The following NOTCH2 variants were observed in gnomAD, a reference collection of about 807,000 sequenced individuals.
The protein encoded by NOTCH2 is notch receptor 2.
NOTCH2 carries 29 observed loss-of-function variants against 235.8 expected under a neutral mutation model. The observed-to-expected ratio is 0.12, with a 90% CI of 0.09 to 0.17. The LOEUF is 0.17. Ranked by LOEUF, NOTCH2 falls within the 10% of genes least tolerant of loss-of-function variation. The pLI is 1.00. For missense variants in NOTCH2, 2,285 were observed against 3,150.2 expected, an observed-to-expected ratio of 0.73 and a Z score of 6.57; for synonymous variants, 1,086 against 1,141.5, an observed-to-expected ratio of 0.95 and a Z score of 0.98.
At position 119,948,548 on chromosome 1, in the gene NOTCH2, T is replaced by C. The variant is rs1553197339; in HGVS notation, c.2618A>G (p.Asp873Gly). The C allele has an allele frequency of 1.9e-6, 3 of 1,614,178 alleles. No individual in the cohort carries two copies. Among genetic ancestry groups the C allele is most frequent in the Non-Finnish European group, 2.5e-6 (3 of 1,180,032 alleles). ...PGWQGQRCTI[D>G]IDECISKPCM... is the part of the protein sequence containing the mutation. ...GGGCTTGGAGATACACTCGTCAATG[T>C]CAATGGTACACCGCTGACCTAGGAA... Residue 873 changes from aspartate to glycine, a missense_variant, in exon 17 of 34, where the codon GAC becomes GGC. Around this residue, in one of 6 missense-constraint regions of NOTCH2, gnomAD observed 1,173 missense variants for 1,515.3 expected, o/e 0.77. Coordinates refer to ENST00000256646, the MANE Select transcript of NOTCH2 (RefSeq NM_024408.4).
At chr1:120,007,737 T>C (rs1481524242) in intron 2 of NOTCH2, among the ~76,000 whole-genome samples, 3 of 152,084 alleles carry the variant, frequency 2.0e-5, no homozygotes, top group Non-Finnish European at 4.4e-5. Context: ...TCTGTCTTCT[T>C]TGTGCTTATT....
intron 17 of NOTCH2, among the ~76,000 whole-genome samples, chr1:119,946,526 A>G (rs1172591072): frequency 6.6e-6 from 1 of 152,108 alleles, no homozygotes; most frequent in Non-Finnish European, 1.5e-5. Context: ...AATAAAGTTG[A>G]TGACAATTTA....
At chr1:119,978,420 C>T (rs1236300169) in intron 5 of NOTCH2, among the ~76,000 whole-genome samples, 2 of 152,158 alleles carry the variant, frequency 1.3e-5, no homozygotes, top group African/African-American at 2.4e-5. Context: ...TCAGAAAGTC[C>T]ACTCTGCTGC....
intron 30 of NOTCH2, 64 bp downstream of exon 30, chr1:119,920,165 G>GAC: frequency 6.3e-7 from 1 of 1,590,592 alleles, no homozygotes; most frequent in Non-Finnish European, 8.6e-7. Context: ...CAAACACAGG[G>GAC]ACAACAATGT....
chr1:119,919,681 G>T, intron 30 of NOTCH2, 68 bp from the exon 31 acceptor site: 2 of 1,465,744 alleles, frequency 1.4e-6, no homozygotes, highest in South Asian at 1.2e-5. Context: ...GGTTGAAACA[G>T]CTCTATTTGA....
chr1:119,920,475 AC>A (rs1319242028), intron 29 of NOTCH2, 78 bp from the exon 30 acceptor site: 4 of 1,457,388 alleles, frequency 2.7e-6, no homozygotes, highest in Non-Finnish European at 3.9e-6. Flanking sequence ...CAGAGCCTCC[AC>A]CACCGCTGCT....
chr1:119,985,039 G>A (rs1651958004), intron 5 of NOTCH2, among the ~76,000 whole-genome samples: 1 of 152,176 alleles, frequency 6.6e-6, no homozygotes, highest in Non-Finnish European at 1.5e-5. Context: ...AGTATGTACA[G>A]GAAAACTGTG....
At chr1:119,955,008 A>G (rs1237635283) in intron 13 of NOTCH2, 32 bp downstream of exon 13, 2 of 1,610,522 alleles carry the variant, frequency 1.2e-6, no homozygotes, top group African/African-American at 1.3e-5. Context: ...ACACAGGTCA[A>G]TAAGAAACTA....
In NOTCH2 at chr1:119,923,928, T is replaced by G; in HGVS notation, c.4568A>C (p.Asn1523Thr). ...CCCATCCCAACCACACTCCTCACTG[T>G]TGCACCCCTGGTCACAGTGGTTGTC... ...FKDNHCDQGC[N>T]SEECGWDGLD... Residue 1523 changes from asparagine to threonine, a missense_variant, in exon 26 of 34, where the codon AAC becomes ACC. Asn to Thr is a moderately conservative substitution (Grantham distance 65). Around this residue, in one of 6 missense-constraint regions of NOTCH2, gnomAD observed 1,173 missense variants for 1,515.3 expected, o/e 0.77. Transcript: ENST00000256646. 1 of 1,614,202 alleles carries G rather than the reference T, an allele frequency of 6.2e-7. No individual in the cohort carries two copies. The highest frequency in any genetic ancestry group is 8.5e-7 in the Non-Finnish European group (1 of 1,180,030).
chr1:120,063,272 T>C (rs1208610019), intron 1 of NOTCH2, among the ~76,000 whole-genome samples: 1 of 152,180 alleles, frequency 6.6e-6, no homozygotes, highest in Non-Finnish European at 1.5e-5. Context: ...CTGCCAGAAA[T>C]GAGTGACCTT....
At chr1:119,980,018 C>G (rs1651752346) in intron 5 of NOTCH2, among the ~76,000 whole-genome samples, 1 of 152,328 alleles carries the variant, frequency 6.6e-6, no homozygotes, top group African/African-American at 2.4e-5. Context: ...CCTAGAATGA[C>G]AAGCATGTGG....
At chr1:120,012,542 T>C (rs1345537304) in intron 2 of NOTCH2, among the ~76,000 whole-genome samples, 3 of 152,122 alleles carry the variant, frequency 2.0e-5, no homozygotes, top group African/African-American at 7.2e-5. Flanking sequence ...ATATTGAGTC[T>C]TTACTCCAAG....
Position 119,967,634 on chromosome 1 carries a change from A to G in NOTCH2, c.1265-13T>C, listed in dbSNP as rs781802701. 6.2e-6 allele frequency: 10 copies of G among 1,613,248 alleles called. No homozygotes were observed. In the East Asian group the frequency reaches 2.2e-4, roughly 36 times the overall value. ...GGATTGCTATTGGCTGAAAGACACA[A>G]GTACCAATTACTGGGATCAAAGCAG... On this transcript the variant is annotated splice_polypyrimidine_tract_variant and intron_variant, in intron 7 of 33. Coordinates refer to ENST00000256646, the MANE Select transcript of NOTCH2 (RefSeq NM_024408.4).
At chr1:119,947,557 G>T (rs1271935472) in intron 17 of NOTCH2, among the ~76,000 whole-genome samples, 1 of 152,184 alleles carries the variant, frequency 6.6e-6, no homozygotes, top group Non-Finnish European at 1.5e-5. Context: ...CAATTCTGGT[G>T]AGAATGAAAA....
Position 119,919,529 on chromosome 1 carries a change from G to A in NOTCH2, c.5564C>T (p.Ser1855Phe), listed in dbSNP as rs1405408138. 6.2e-7 allele frequency: 1 copy of A among 1,614,118 alleles called. No individual in the cohort carries two copies. The highest frequency in any genetic ancestry group is 1.1e-5 in the South Asian group (1 of 91,086). Residue 1855 changes from serine (S) to phenylalanine (F), a missense_variant, in exon 31 of 34, where the codon TCT becomes TTT. Around this residue, in one of 6 missense-constraint regions of NOTCH2, gnomAD observed 1,173 missense variants for 1,515.3 expected, o/e 0.77. Coordinates refer to ENST00000256646, the MANE Select transcript of NOTCH2 (RefSeq NM_024408.4). ...GACCAAGTCTGTGATGATGTTAGCA[G>A]AAGAGTCCTCTGCATCTTCATCTTC... is the stretch of plus-strand genomic sequence containing the variant. ...SDEDEDAEDSSANIITDLVYQ... is the reference protein window; with the variant it reads ...SDEDEDAEDSFANIITDLVYQ...
At chr1:119,997,867 GGAA>G (rs1652532143) in intron 3 of NOTCH2, among the ~76,000 whole-genome samples, 3 of 141,816 alleles carry the variant, frequency 2.1e-5, no homozygotes, top group Non-Finnish European at 4.5e-5. Flanking sequence ...CCAGCTACTT[GGAA>G]GGCTGAGGCA....
rs1190860294 is a variant in NOTCH2 at position 119,923,765 on chromosome 1, C to T, written c.4731G>A (p.Leu1577=). 4.3e-6 allele frequency: 7 copies of T among 1,614,060 alleles called. No individual in the cohort carries two copies. Among genetic ancestry groups the T allele is most frequent in the Non-Finnish European group, 5.9e-6 (7 of 1,180,042 alleles). Residue 1577 remains leucine, a synonymous_variant, in exon 26 of 34, where the codon CTG becomes CTA. Transcript: ENST00000256646. Reference sequence around the variant, plus strand: ...CCCCCTGGGAGTCCCGCTTAATGCGCAGGTTGGTGTGGAGCAGGGTACCCA... The same window carrying T: ...CCCCCTGGGAGTCCCGCTTAATGCGTAGGTTGGTGTGGAGCAGGGTACCCA... The part of the protein sequence containing the change: ...RALGTLLHTN[L]RIKRDSQGEL...
chr1:120,065,415 GT>G (rs1386155715), intron 1 of NOTCH2, among the ~76,000 whole-genome samples: 1 of 152,156 alleles, frequency 6.6e-6, no homozygotes, highest in Non-Finnish European at 1.5e-5. Context: ...CCTTCCTCAT[GT>G]ACGCATTAAC....
chr1:119,961,345 C>T (rs1453141345), intron 11 of NOTCH2, among the ~76,000 whole-genome samples: 1 of 152,186 alleles, frequency 6.6e-6, no homozygotes, highest in Non-Finnish European at 1.5e-5. Context: ...CCTGCTTTAC[C>T]CTCAAACTAA....
Sources: allele counts gnomAD v4.1 joint callset (sites outside exome capture counted in the v4.1 genomes callset), GRCh38; gene constraint gnomAD v4.1.1; regional missense constraint gnomAD v4.1.1; transcripts MANE v1.5; gene names NCBI Gene and HGNC (gene_info 2026-07-23, HGNC 2026-07-21).